The following FAM149A variants were observed in gnomAD, a reference collection of about 807,000 sequenced individuals.
The protein encoded by FAM149A is family with sequence similarity 149 member A, also known as protein FAM149A.
Under a neutral mutation model 78.2 loss-of-function variants are expected in FAM149A, and 71 were observed. That is an observed-to-expected ratio of 0.91 (90% CI 0.75 to 1.11). The LOEUF is 1.11. FAM149A is among the 50% of genes least tolerant of loss of function. FAM149A has a pLI of 0.00. For missense variants in FAM149A, 1,036 were observed against 971.0 expected, an observed-to-expected ratio of 1.07 and a Z score of -0.89; for synonymous variants, 446 against 410.5, an observed-to-expected ratio of 1.09 and a Z score of -1.04.
Position 186,151,988 on chromosome 4 carries a change from A to C in FAM149A, c.875A>C (p.Gln292Pro). ...TTATTTGAAGGGAAAGTGAACCCTC[A>C]GACCCAGAGTCTGCTGGCCGAATGC... Residue 292 changes from glutamine (Q) to proline (P), a missense_variant, in exon 4 of 14, where the codon CAG becomes CCG. Gln to Pro is a moderately conservative substitution (Grantham distance 76, BLOSUM62 -1). Coordinates refer to ENST00000389354, the MANE Select transcript of FAM149A (RefSeq NM_001367768.3). The C allele has an allele frequency of 6.2e-7, 1 of 1,614,210 alleles. No individual in the cohort carries two copies. The highest frequency in any genetic ancestry group is 1.7e-5 in the Admixed American group (1 of 60,024).
rs1392040851 is a variant in FAM149A at position 186,144,816 on chromosome 4, G to A, written c.567-4357G>A. ...GAGGGCGCAGCGCAGGGAGGAGGAG[G>A]GGAGGCGGCGCCGGCGCGGGCGGGG... On this transcript the variant is annotated intron_variant, in intron 1 of 13. Transcript: ENST00000389354. The surrounding 1 kb of genome is among the most constrained non-coding windows in gnomAD (Gnocchi z 4.2). 1.9e-5 allele frequency: 19 copies of A among 983,634 alleles called. No homozygotes were observed. The highest frequency in any genetic ancestry group is 6.2e-5 in the Admixed American group (1 of 16,048). 60.9% of individuals were successfully genotyped at this position (983,634 alleles called of 1,614,324 possible). A position where few individuals can be genotyped will look rare whatever the true frequency, so the allele number is the denominator to read the frequency against.
At chr4:186,109,996 A>G (rs1207937973) in intron 1 of FAM149A, 1 of 985,348 alleles carries the variant, frequency 1.0e-6, no homozygotes, top group Non-Finnish European at 1.2e-6. Context: ...CAGAATAATC[A>G]GTAGCATCAC....
intron 1 of FAM149A, among the ~76,000 whole-genome samples, chr4:186,137,214 G>C (rs541864746): frequency 2.6e-4 from 40 of 151,798 alleles, no homozygotes; most frequent in Admixed American, 2.6e-3. Context: ...GGATAAAGCT[G>C]TGTACCCTTG....
At chr4:186,160,677 C>T in intron 8 of FAM149A, 1 of 461,994 alleles carries the variant, frequency 2.2e-6, no homozygotes, top group Non-Finnish European at 2.8e-6. Flanking sequence ...CACATACACA[C>T]ACACCTTCAC....
intron 1 of FAM149A, among the ~76,000 whole-genome samples, chr4:186,120,884 C>T (rs1240267942): frequency 1.7e-5 from 2 of 117,304 alleles, no homozygotes; most frequent in Non-Finnish European, 3.3e-5. Flanking sequence ...GACGGAGTCT[C>T]CCTCTGTTGT....
chr4:186,155,384 G>T (rs1301335846), intron 6 of FAM149A, among the ~76,000 whole-genome samples: 1 of 152,102 alleles, frequency 6.6e-6, no homozygotes, highest in Non-Finnish European at 1.5e-5. Context: ...CATTTGAGAA[G>T]ACTGAAATCA....
intron 1 of FAM149A, among the ~76,000 whole-genome samples, chr4:186,119,360 A>G (rs922545474): frequency 3.3e-5 from 5 of 152,212 alleles, no homozygotes; most frequent in Non-Finnish European, 2.9e-5. Context: ...TGAAGATGCC[A>G]TCTTCTGAAA....
rs749317405 is a variant in FAM149A, at chr4:186,144,924, GGCGGGCGCGGGC to G, written c.567-4223_567-4212del. The G allele has an allele frequency of 0.01, 9,953 of 970,450 alleles. 250 individuals carry two copies. The highest frequency in any genetic ancestry group is 0.082 in the African/African-American group (4,463 of 54,226). 60.1% of individuals were successfully genotyped at this position (970,450 alleles called of 1,614,324 possible). A position where few individuals can be genotyped will look rare whatever the true frequency, so the allele number is the denominator to read the frequency against. ...GCCGCCTGAGCTGGGCCAGCCGCGC[GGCGGGCGCGGGC>G]GCGGGCGCGGGCGCGGGCGCGGGCG... On this transcript the variant is annotated intron_variant, in intron 1 of 13. Transcript: ENST00000389354. This position sits in a 1 kb window ranked among gnomAD's most constrained non-coding sequence, Gnocchi z 4.2.
intron 1 of FAM149A, among the ~76,000 whole-genome samples, chr4:186,114,097 A>T (rs796755664): frequency 2.8e-5 from 3 of 105,566 alleles, no homozygotes; most frequent in African/African-American, 1.1e-4. Flanking sequence ...GTGCATATAT[A>T]TTTAGGATAG....
intron 1 of FAM149A, among the ~76,000 whole-genome samples, chr4:186,136,976 T>TTCTTTCTCTCTCTC (rs2099323316): frequency 1.4e-5 from 1 of 72,116 alleles, no homozygotes; most frequent in African/African-American, 6.1e-5. Flanking sequence ...CTCTCTCTCT[T>TTCTTTCTCTCTCTC]TCTCTCTCTC....
chr4:186,125,919 C>G, intron 1 of FAM149A: 1 of 985,308 alleles, frequency 1.0e-6, no homozygotes, highest in African/African-American at 1.7e-5. Flanking sequence ...CCTGCAGACT[C>G]GCACTGGCAA....
chr4:186,155,312 C>A (rs28637871), intron 6 of FAM149A, among the ~76,000 whole-genome samples: 8,050 of 152,198 alleles, frequency 0.053, 715 homozygotes, highest in African/African-American at 0.18. Context: ...CATGATAAAA[C>A]TTTGCCCCGT....
chr4:186,142,429 A>G (rs1335416914), intron 1 of FAM149A, among the ~76,000 whole-genome samples: 1 of 152,182 alleles, frequency 6.6e-6, no homozygotes, highest in African/African-American at 2.4e-5. Flanking sequence ...GCATGTGTAA[A>G]TGACCTGTGG....
chr4:186,158,124 C>T (rs775844016), intron 8 of FAM149A: 95 of 1,304,522 alleles, frequency 7.3e-5, no homozygotes, highest in Non-Finnish European at 9.2e-5. Flanking sequence ...AGGTCCCTGT[C>T]TTGCTCCAGG....
intron 1 of FAM149A, chr4:186,132,189 T>C: frequency 1.0e-6 from 1 of 985,470 alleles, no homozygotes; most frequent in Non-Finnish European, 1.2e-6. Context: ...AGGGCAGATT[T>C]TTAAAGACCT....
At position 186,144,254 on chromosome 4, in the gene FAM149A, A is replaced by G. The variant is rs991885927; in HGVS notation, c.567-4919A>G. The G allele has an allele frequency of 2.0e-5, 3 of 152,224 alleles. No homozygotes were observed. The highest frequency in any genetic ancestry group is 7.2e-5 in the African/African-American group (3 of 41,444). 9.4% of individuals were successfully genotyped at this position (152,224 alleles called of 1,614,324 possible). A position where few individuals can be genotyped will look rare whatever the true frequency, so the allele number is the denominator to read the frequency against. On this transcript the variant is annotated intron_variant, in intron 1 of 13. Coordinates refer to ENST00000389354, the MANE Select transcript of FAM149A (RefSeq NM_001367768.3). The surrounding 1 kb of genome is among the most constrained non-coding windows in gnomAD (Gnocchi z 4.2). ...CTCCTGGTATAATCCTGGGCCTCCAAAACTGAAACGAGCACATGGTAACGC... is the reference window on the plus strand; with the variant it reads ...CTCCTGGTATAATCCTGGGCCTCCAGAACTGAAACGAGCACATGGTAACGC...
intron 13 of FAM149A, among the ~76,000 whole-genome samples, chr4:186,171,470 C>T (rs1735523567): frequency 6.6e-6 from 1 of 152,120 alleles, no homozygotes. Flanking sequence ...GGTCAAAAAG[C>T]ACTGGGAACT....
At position 186,125,818 on chromosome 4, in the gene FAM149A, G is replaced by A. The variant is rs1453192906; in HGVS notation, c.566+20176G>A. On this transcript the variant is annotated intron_variant, in intron 1 of 13. Coordinates refer to ENST00000389354, the MANE Select transcript of FAM149A (RefSeq NM_001367768.3). ...GAATACCCAACCGTTTGGAAGGGAG[G>A]CCAAAAAGAAATACGAGGTAGGGAT... 8.1e-6 allele frequency: 8 copies of A among 985,152 alleles called. No individual in the cohort carries two copies. In the African/African-American group the frequency reaches 1.4e-4, roughly 17 times the overall value. The allele number at this position is 985,152 out of a possible 1,614,324, so 61.0% of individuals were successfully genotyped here. A position where few individuals can be genotyped will look rare whatever the true frequency, so the allele number is the denominator to read the frequency against.
chr4:186,150,450 C>G (rs531327019), intron 3 of FAM149A, among the ~76,000 whole-genome samples: 12 of 106,614 alleles, frequency 1.1e-4, no homozygotes, highest in East Asian at 3.2e-4. Context: ...GACGGAGTCT[C>G]GCTCTGTCGC....
Sources: allele counts gnomAD v4.1 joint callset (sites outside exome capture counted in the v4.1 genomes callset), GRCh38; gene constraint gnomAD v4.1.1; non-coding constraint Gnocchi (gnomAD v3.1); transcripts MANE v1.5; gene names NCBI Gene and HGNC (gene_info 2026-07-23, HGNC 2026-07-21).